Variants in UNC13A observed in about 807,000 individuals in gnomAD.
The protein encoded by UNC13A is unc-13 homolog A.
Under a neutral mutation model 219.7 loss-of-function variants are expected in UNC13A, and 61 were observed. That is an observed-to-expected ratio of 0.28 (90% CI 0.23 to 0.34). UNC13A has a LOEUF of 0.34. Among genes scored for constraint, UNC13A ranks in the 10% least tolerant of loss-of-function variants. The probability of loss-of-function intolerance (pLI) is 1.00; values close to 1 mark genes in which losing one functional copy is unlikely to be tolerated. For missense variants in UNC13A, 1,476 were observed against 2,270.3 expected (o/e 0.65, Z 7.11); for synonymous variants, 920 against 884.6 (o/e 1.04, Z -0.71).
At chr19:17,661,792 G>T (rs1029046792) in intron 8 of UNC13A, among the ~76,000 whole-genome samples, 2 of 152,174 alleles carry the variant, frequency 1.3e-5, no homozygotes, top group Non-Finnish European at 2.9e-5. Flanking sequence ...TTTAGGGCAT[G>T]GATCTGGTCT....
intron 19 of UNC13A, among the ~76,000 whole-genome samples, 163 bp downstream of exon 19, chr19:17,645,511 T>C (rs1052848648): frequency 1.3e-5 from 2 of 152,120 alleles, no homozygotes; most frequent in Admixed American, 6.6e-5. Flanking sequence ...GGGTGCTTCC[T>C]GCTCCCATCA....
chr19:17,656,046 G>A lies in UNC13A; in HGVS notation c.1120C>T (p.Arg374Cys), dbSNP rs566299244. The change falls in exon 10 of 44, where the codon CGC becomes TGC. Residue 374 changes from arginine to cysteine, a missense_variant. This residue lies in a region of UNC13A where 351 missense variants were observed against 342.6 expected (regional missense o/e 1.02). Transcript: ENST00000519716. Reference protein sequence around the residue: ...VAVAEPKDFKRISLPPAAPGK... With the variant: ...VAVAEPKDFKCISLPPAAPGK... Reference sequence around the variant, plus strand: ...GGGGCAGCTGGCGGGAGGCTGATGCGTTTGAAGTCTTTGGGCTCAGCCACA... The same window carrying A: ...GGGGCAGCTGGCGGGAGGCTGATGCATTTGAAGTCTTTGGGCTCAGCCACA... 19 of 1,560,564 alleles carry A rather than the reference G, an allele frequency of 1.2e-5. No individual in the cohort carries two copies. Among genetic ancestry groups the A allele is most frequent in the African/African-American group, 5.4e-5 (4 of 73,696 alleles).
chr19:17,626,831 T>G, intron 33 of UNC13A, 46 bp from the exon 34 acceptor site: 1 of 1,578,866 alleles, frequency 6.3e-7, no homozygotes, highest in Non-Finnish European at 8.6e-7. Flanking sequence ...AAGGGCTGGA[T>G]GAGGACACAG....
chr19:17,634,500 G>A (rs1055562872), intron 26 of UNC13A, among the ~76,000 whole-genome samples: 27 of 152,164 alleles, frequency 1.8e-4, no homozygotes, highest in Middle Eastern at 3.4e-3. Flanking sequence ...CACTATGCCC[G>A]GCTAATTTTT....
At chr19:17,635,975 A>G in intron 26 of UNC13A, 49 bp downstream of exon 26, 1 of 1,577,324 alleles carries the variant, frequency 6.3e-7, no homozygotes, top group Non-Finnish European at 8.7e-7. Flanking sequence ...AGTTGTATAC[A>G]TACACACGAT....
At chr19:17,675,526 G>A (rs2079879842) in intron 2 of UNC13A, among the ~76,000 whole-genome samples, 2 of 151,394 alleles carry the variant, frequency 1.3e-5, no homozygotes, top group South Asian at 4.2e-4. Context: ...CAGCTACTTG[G>A]GAGGCTGAGG....
chr19:17,625,982 C>T (rs1244799760), intron 34 of UNC13A, among the ~76,000 whole-genome samples: 3 of 149,370 alleles, frequency 2.0e-5, no homozygotes, highest in Non-Finnish European at 4.4e-5. Flanking sequence ...TGCATCAATC[C>T]ATCTATACAT....
rs373437720 is a variant in UNC13A, at chr19:17,645,851, G to A, written c.2187-8C>T. The A allele has an allele frequency of 8.4e-5, 135 of 1,599,572 alleles. No individual in the cohort carries two copies. The African/African-American group carries it at 1.2e-3, about 14-fold the overall frequency. ...GAGGAATTGTGACATTCACTGTGGC[G>A]GGAGGAGGAGGCAGAGGCAGGGGTC... On this transcript the variant is annotated splice_polypyrimidine_tract_variant and splice_region_variant and intron_variant, in intron 18 of 43. Transcript: ENST00000519716.
At chr19:17,618,398 T>G in intron 40 of UNC13A, 23 bp downstream of exon 40, 1 of 1,562,538 alleles carries the variant, frequency 6.4e-7, no homozygotes, top group Non-Finnish European at 8.7e-7. Context: ...CCACCTGGGA[T>G]GGGGAGGGGT....
intron 1 of UNC13A, among the ~76,000 whole-genome samples, chr19:17,687,306 C>G (rs1297395915): frequency 6.6e-6 from 1 of 151,944 alleles, no homozygotes; most frequent in Non-Finnish European, 1.5e-5. Flanking sequence ...ATAGCTCCCC[C>G]CCCACCTCAC....
chr19:17,624,692 A>T, intron 35 of UNC13A, 137 bp downstream of exon 35: 1 of 1,299,370 alleles, frequency 7.7e-7, no homozygotes, highest in Non-Finnish European at 1.0e-6. Flanking sequence ...ATGACCCTTG[A>T]ATGGCCCTTG....
chr19:17,606,517 C>T (rs73524073), intron 43 of UNC13A, among the ~76,000 whole-genome samples, 163 bp from the exon 44 acceptor site: 2,424 of 152,250 alleles, frequency 0.016, 59 homozygotes, highest in African/African-American at 0.055. Context: ...ACTTGACCTA[C>T]AACCCTGTGC....
Position 17,656,004 on chromosome 19 carries a change from C to T in UNC13A, c.1162G>A (p.Ala388Thr). 1 of 1,578,428 alleles carries T rather than the reference C, an allele frequency of 6.3e-7. No individual in the cohort carries two copies. The highest frequency in any genetic ancestry group is 8.6e-7 in the Non-Finnish European group (1 of 1,162,560). The change falls in exon 10 of 44, where the codon GCC (alanine) becomes ACC (threonine). Residue 388 changes from alanine to threonine, a missense_variant. By Grantham distance (58) the Ala-to-Thr change is moderately conservative. Transcript: ENST00000519716. ...PPAAPGKEDKAPVAPTEAPDM... is the reference protein window; with the variant it reads ...PPAAPGKEDKTPVAPTEAPDM... The stretch of plus-strand genomic sequence containing the variant: ...GGGGCCTCGGTGGGTGCCACTGGGG[C>T]CTTGTCCTCCTTCCCTGGGGCAGCT...
Position 17,688,333 on chromosome 19 carries a change from A to G in UNC13A, c.-134T>C, listed in dbSNP as rs1285224003. The G allele has an allele frequency of 3.7e-5, 49 of 1,308,946 alleles. No homozygotes were observed. Among genetic ancestry groups the G allele is most frequent in the Non-Finnish European group, 4.7e-5 (48 of 1,028,224 alleles). 81.1% of individuals were successfully genotyped at this position (1,308,946 alleles called of 1,614,324 possible). On this transcript the variant is annotated 5_prime_UTR_variant, in exon 1 of 44. It removes an upstream start codon present in the reference 5' UTR. Coordinates refer to ENST00000519716, the MANE Select transcript of UNC13A (RefSeq NM_001080421.3). Reference sequence around the variant, plus strand: ...CGCCGGGGCCCGGCCGCCACCGGCCATCTTGGTTCAGCACCGGGGGCGCGG... The same window carrying G: ...CGCCGGGGCCCGGCCGCCACCGGCCGTCTTGGTTCAGCACCGGGGGCGCGG...
At position 17,605,920 on chromosome 19, in the gene UNC13A, G is replaced by A; in HGVS notation, c.*134C>T. ...CAAAAGGGAAAGCTGAGTCAAGGGC[G>A]TAGGCGCAGCCCACCCTTGGCGTGG... On this transcript the variant is annotated 3_prime_UTR_variant, in exon 44 of 44. Transcript: ENST00000519716. 2.4e-6 allele frequency: 2 copies of A among 825,488 alleles called. No homozygotes were observed. Among genetic ancestry groups the A allele is most frequent in the Middle Eastern group, 3.8e-4 (1 of 2,600 alleles). 51.1% of individuals were successfully genotyped at this position (825,488 alleles called of 1,614,324 possible).
intron 25 of UNC13A, among the ~76,000 whole-genome samples, chr19:17,637,729 A>C (rs141261025): frequency 4.0e-5 from 6 of 150,794 alleles, no homozygotes; most frequent in African/African-American, 1.5e-4. Context: ...ACTGATTCCA[A>C]CTCTAGTCAA....
intron 27 of UNC13A, 28 bp from the exon 28 acceptor site, chr19:17,632,936 G>A (rs769462142): frequency 3.7e-6 from 6 of 1,613,528 alleles, no homozygotes; most frequent in Non-Finnish European, 3.4e-6. Flanking sequence ...GGATGGCACA[G>A]CTGGAAGGGT....
rs1197704333 is a variant in UNC13A at position 17,661,368 on chromosome 19, G to A, written c.559+2164C>T. Among the ~76,000 whole-genome samples, 2 of 152,078 alleles carry A rather than the reference G, an allele frequency of 1.3e-5. 1 individual carries two copies. Among genetic ancestry groups the A allele is most frequent in the Non-Finnish European group, 2.9e-5 (2 of 68,016 alleles). On this transcript the variant is annotated intron_variant, in intron 8 of 43. Transcript: ENST00000519716. ...GGAAGGAGTGAAGGACTCCCCAGTT[G>A]AAGGAGAGAGAAGGAGGCAGATTTA...
At position 17,623,301 on chromosome 19, in the gene UNC13A, G is replaced by A. The variant is rs2076748170; in HGVS notation, c.4203+241C>T. The A allele has an allele frequency of 2.1e-5, 10 of 478,772 alleles. No homozygotes were observed. The East Asian group carries it at 3.2e-4, about 15-fold the overall frequency. 29.7% of individuals were successfully genotyped at this position (478,772 alleles called of 1,614,324 possible). On this transcript the variant is annotated intron_variant, in intron 36 of 43. Transcript: ENST00000519716. Reference sequence around the variant, plus strand: ...AGCTGGGCTTGGGGTTTGGGAGTGGGTAGTGGGGCTCCTCTGGACTTCAGT... The same window carrying A: ...AGCTGGGCTTGGGGTTTGGGAGTGGATAGTGGGGCTCCTCTGGACTTCAGT...
Sources: gnomAD v4.1 joint callset for allele counts (sites outside exome capture counted in the v4.1 genomes callset) on GRCh38, gnomAD v4.1.1 for gene constraint, gnomAD v4.1.1 regional missense constraint, MANE v1.5 for transcripts, NCBI Gene and HGNC (gene_info 2026-07-23, HGNC 2026-07-21) for gene names.